Variants in ENTREP2 observed in about 807,000 individuals in gnomAD.
ENTREP2 encodes endosomal transmembrane epsin interactor 2, also known as protein ENTREP2.
chr15:29,156,787 C>G, the ENTREP2 span, among the ~76,000 whole-genome samples: 5 of 152,236 alleles, frequency 3.3e-5, no homozygotes, highest in African/African-American at 9.6e-5. Context: ...GAGATGCCTG[C>G]GCGTGGGCCA....
At chr15:29,341,033 CT>C in the ENTREP2 span, among the ~76,000 whole-genome samples, 1 of 152,232 alleles carries the variant, frequency 6.6e-6, no homozygotes, top group Non-Finnish European at 1.5e-5. Context: ...CCATCTCACA[CT>C]ATCACTCCCG....
the ENTREP2 span, among the ~76,000 whole-genome samples, chr15:29,596,966 G>A: frequency 1.3e-5 from 2 of 151,814 alleles, no homozygotes; most frequent in South Asian, 2.1e-4. Flanking sequence ...CACCGCACTC[G>A]GCTCCTAATT....
the ENTREP2 span, among the ~76,000 whole-genome samples, chr15:29,208,265 C>T: frequency 6.6e-6 from 1 of 151,636 alleles, no homozygotes; most frequent in African/African-American, 2.4e-5. Context: ...ACCTACTTGC[C>T]ATCCCTGTCC....
At chr15:29,485,691 G>T in the ENTREP2 span, among the ~76,000 whole-genome samples, 1 of 152,128 alleles carries the variant, frequency 6.6e-6, no homozygotes, top group African/African-American at 2.4e-5. Flanking sequence ...TTAAAAAGTG[G>T]GCAAAGGATC....
chr15:29,651,918 C>T, the ENTREP2 span, among the ~76,000 whole-genome samples: 2 of 152,180 alleles, frequency 1.3e-5, no homozygotes, highest in Admixed American at 6.5e-5. Flanking sequence ...GGGGGTGGGT[C>T]CCCAGTGAAG....
the ENTREP2 span, among the ~76,000 whole-genome samples, chr15:29,255,898 T>G: frequency 2.7e-5 from 4 of 150,786 alleles, no homozygotes; most frequent in Admixed American, 6.7e-5. Context: ...CTACTCGGGA[T>G]GCTGAGGCAG....
the ENTREP2 span, among the ~76,000 whole-genome samples, chr15:29,624,895 G>GTGTT: frequency 1.3e-5 from 2 of 151,706 alleles, no homozygotes; most frequent in African/African-American, 4.9e-5. Flanking sequence ...GTGTGTGTGT[G>GTGTT]TGTGTGTGTG....
the ENTREP2 span, among the ~76,000 whole-genome samples, chr15:29,448,886 G>A: frequency 6.6e-6 from 1 of 152,062 alleles, no homozygotes; most frequent in Non-Finnish European, 1.5e-5. Context: ...ATGAAATCTG[G>A]GTCTTGGAGC....
the ENTREP2 span, among the ~76,000 whole-genome samples, chr15:29,431,945 G>A: frequency 1.3e-5 from 2 of 152,142 alleles, no homozygotes; most frequent in Admixed American, 6.5e-5. Context: ...CGTGGCATTT[G>A]CATTCCCTTT....
chr15:29,415,652 C>T, the ENTREP2 span, among the ~76,000 whole-genome samples: 1 of 152,106 alleles, frequency 6.6e-6, no homozygotes, highest in South Asian at 2.1e-4. Flanking sequence ...CTGGCCAGGG[C>T]AGTCAGGCAG....
At chr15:29,632,181 C>T in the ENTREP2 span, among the ~76,000 whole-genome samples, 4 of 152,200 alleles carry the variant, frequency 2.6e-5, no homozygotes, top group South Asian at 2.1e-4. Context: ...CCCAGAGTGT[C>T]GCCACCACCT....
the ENTREP2 span, among the ~76,000 whole-genome samples, chr15:29,345,082 C>A: frequency 2.0e-5 from 3 of 152,080 alleles, no homozygotes; most frequent in African/African-American, 7.2e-5. Context: ...CCATAAAGAA[C>A]TGTCATGAAA....
the ENTREP2 span, among the ~76,000 whole-genome samples, chr15:29,240,758 C>A: frequency 6.6e-6 from 1 of 152,340 alleles, no homozygotes; most frequent in Admixed American, 6.5e-5. Flanking sequence ...AGGTTGGAAT[C>A]TGATGCCAGC....
the ENTREP2 span, among the ~76,000 whole-genome samples, chr15:29,139,231 A>G: frequency 6.6e-6 from 1 of 152,212 alleles, no homozygotes; most frequent in Non-Finnish European, 1.5e-5. Flanking sequence ...GGTCTAACAC[A>G]TCACAGGAAA....
chr15:29,373,011 G>A, the ENTREP2 span, among the ~76,000 whole-genome samples: 1 of 151,988 alleles, frequency 6.6e-6, no homozygotes, highest in African/African-American at 2.4e-5. Context: ...AAATAAACAG[G>A]TGAATAATTT....
the ENTREP2 span, among the ~76,000 whole-genome samples, chr15:29,128,307 TG>T: frequency 1.2e-4 from 19 of 152,116 alleles, no homozygotes; most frequent in African/African-American, 3.9e-4. Context: ...CCTCTGTGTC[TG>T]GGGATTTGAC....
At chr15:29,249,202 G>C in the ENTREP2 span, among the ~76,000 whole-genome samples, 1 of 152,204 alleles carries the variant, frequency 6.6e-6, no homozygotes, top group Non-Finnish European at 1.5e-5. Flanking sequence ...CAGCTACTTG[G>C]GAGGCTGAGG....
chr15:29,564,998 A>G, the ENTREP2 span, among the ~76,000 whole-genome samples: 1 of 152,208 alleles, frequency 6.6e-6, no homozygotes, highest in Non-Finnish European at 1.5e-5. Flanking sequence ...GAACAAAGAA[A>G]TGAAGAGACA....
chr15:29,497,666 T>A, the ENTREP2 span, among the ~76,000 whole-genome samples: 1 of 152,120 alleles, frequency 6.6e-6, no homozygotes, highest in South Asian at 2.1e-4. Flanking sequence ...TTTATTTTAG[T>A]CTTCTTTTTT....
Sources: allele counts gnomAD v4.1 joint callset (sites outside exome capture counted in the v4.1 genomes callset), GRCh38; gene constraint gnomAD v4.1.1; transcripts MANE v1.5; gene names NCBI Gene and HGNC (gene_info 2026-07-23, HGNC 2026-07-21).